Variants in MINPP1 observed in about 807,000 individuals in gnomAD.
MINPP1 encodes multiple inositol-polyphosphate phosphatase 1, also known as multiple inositol polyphosphate phosphatase 1.
MINPP1 carries 28 observed loss-of-function variants against 46.1 expected under a neutral mutation model. That is an observed-to-expected ratio of 0.61 (90% CI 0.45 to 0.83). The LOEUF (loss-of-function observed/expected upper bound fraction) is 0.83, where lower values mean the gene tolerates loss of function less well. Ranked by LOEUF, MINPP1 falls within the 40% of genes least tolerant of loss-of-function variation. MINPP1 has a pLI of 0.00. For missense variants in MINPP1, 603 were observed against 610.0 expected (o/e 0.99, Z 0.12); for synonymous variants, 268 against 249.1 (o/e 1.08, Z -0.72).
chr10:87,550,029 T>C (rs1851940732), intron 4 of MINPP1, among the ~76,000 whole-genome samples: 1 of 152,172 alleles, frequency 6.6e-6, no homozygotes, highest in Non-Finnish European at 1.5e-5. Flanking sequence ...CAATGTGGAA[T>C]GATACATGTG....
At chr10:87,537,307 C>A (rs952103131) in intron 4 of MINPP1, among the ~76,000 whole-genome samples, 4 of 152,158 alleles carry the variant, frequency 2.6e-5, no homozygotes, top group African/African-American at 9.7e-5. Context: ...TGTTCCACAT[C>A]CTGCCAACGC....
Position 87,552,675 on chromosome 10 carries a change from TA to T in MINPP1, c.*199del. On this transcript the variant is annotated 3_prime_UTR_variant, in exon 5 of 5. Coordinates refer to ENST00000371996, the MANE Select transcript of MINPP1 (RefSeq NM_004897.5). ...AGATTTTTCACTGGAGCAGCTCTCT[TA>T]AGGAGAAACAAATCTATTTAGAGAA... 1.7e-6 allele frequency: 1 copy of T among 575,212 alleles called. No individual in the cohort carries two copies. The highest frequency in any genetic ancestry group is 3.0e-6 in the Non-Finnish European group (1 of 329,782). The allele number at this position is 575,212 out of a possible 1,614,324, so 35.6% of individuals were successfully genotyped here.
At chr10:87,507,978 C>T in intron 1 of MINPP1, 22 of 1,375,218 alleles carry the variant, frequency 1.6e-5, no homozygotes, top group Non-Finnish European at 2.1e-5. Flanking sequence ...GTTGAATTCT[C>T]TCTCACCTTG....
intron 4 of MINPP1, among the ~76,000 whole-genome samples, chr10:87,550,089 G>T (rs1851941900): frequency 6.6e-6 from 1 of 152,110 alleles, no homozygotes; most frequent in Non-Finnish European, 1.5e-5. Context: ...CCTTATTCCT[G>T]TTTAGCTGAT....
At chr10:87,515,455 A>G (rs2131808468) in intron 3 of MINPP1, among the ~76,000 whole-genome samples, 1 of 152,336 alleles carries the variant, frequency 6.6e-6, no homozygotes, top group South Asian at 2.1e-4. Flanking sequence ...AAATTTAAAT[A>G]CATGTTTATT....
At chr10:87,510,834 A>G (rs1158111729) in intron 2 of MINPP1, among the ~76,000 whole-genome samples, 1 of 152,246 alleles carries the variant, frequency 6.6e-6, no homozygotes. Context: ...TGCTGGGTTA[A>G]CACACATGAA....
At chr10:87,514,101 G>A (rs369442420) in intron 3 of MINPP1, among the ~76,000 whole-genome samples, 1 of 152,028 alleles carries the variant, frequency 6.6e-6, no homozygotes, top group Non-Finnish European at 1.5e-5. Flanking sequence ...AGATTCATAA[G>A]TTAATCACAC....
intron 4 of MINPP1, among the ~76,000 whole-genome samples, chr10:87,532,485 C>T (rs893844057): frequency 6.6e-6 from 1 of 152,248 alleles, no homozygotes; most frequent in African/African-American, 2.4e-5. Flanking sequence ...GTTTTGGCCA[C>T]CGCCTCTTGT....
intron 4 of MINPP1, among the ~76,000 whole-genome samples, chr10:87,525,267 T>A (rs1210263374): frequency 6.6e-6 from 1 of 152,242 alleles, no homozygotes; most frequent in Non-Finnish European, 1.5e-5. Flanking sequence ...CTATATGCTG[T>A]GCCTTAGCAG....
Position 87,504,914 on chromosome 10 carries a change from C to A in MINPP1, c.-2C>A, listed in dbSNP as rs544545168. On this transcript the variant is annotated 5_prime_UTR_variant, in exon 1 of 5. Coordinates refer to ENST00000371996, the MANE Select transcript of MINPP1 (RefSeq NM_004897.5). ...CGGCGCACTCCACTGACCGTCCCGA[C>A]GATGCTACGCGCGCCCGGCTGCCTC... 1 of 1,610,148 alleles carries A rather than the reference C, an allele frequency of 6.2e-7. No homozygotes were observed. Among genetic ancestry groups the A allele is most frequent in the Non-Finnish European group, 8.5e-7 (1 of 1,179,142 alleles).
chr10:87,506,173 G>T (rs963449121), intron 1 of MINPP1, among the ~76,000 whole-genome samples: 2 of 151,520 alleles, frequency 1.3e-5, no homozygotes, highest in African/African-American at 4.9e-5. Context: ...TGTAGCTGTG[G>T]TCCGTGGTCA....
rs34500466 is a variant in MINPP1, at chr10:87,542,317, C to CT, written c.1068-9754dup. ...TCTTTTTCTTTTTCTCTCTCTCTCT[C>CT]TTTTTTTTTTTAAACAGAGTCTCAC... On this transcript the variant is annotated intron_variant, in intron 4 of 4. Transcript: ENST00000371996. 1.9e-3 allele frequency among the ~76,000 whole-genome samples: 280 copies of CT among 148,676 alleles called. 1 individual carries two copies. The highest frequency in any genetic ancestry group is 3.6e-3 in the African/African-American group (144 of 40,418).
chr10:87,533,012 C>CT (rs1564679199), intron 4 of MINPP1, among the ~76,000 whole-genome samples: 1 of 150,956 alleles, frequency 6.6e-6, no homozygotes, highest in African/African-American at 2.4e-5. Flanking sequence ...ACTTAAAATC[C>CT]TTTTTTTAAA....
chr10:87,552,509 A>C lies in MINPP1; in HGVS notation c.*31A>C. Reference sequence around the variant, plus strand: ...TGAAGAACATTTTTAATTCTTTAGGAATCTGCAATGAGTGATTACATGCTT... The same window carrying C: ...TGAAGAACATTTTTAATTCTTTAGGCATCTGCAATGAGTGATTACATGCTT... On this transcript the variant is annotated 3_prime_UTR_variant, in exon 5 of 5. Coordinates refer to ENST00000371996, the MANE Select transcript of MINPP1 (RefSeq NM_004897.5). The C allele has an allele frequency of 6.2e-7, 1 of 1,602,734 alleles. No individual in the cohort carries two copies. The highest frequency in any genetic ancestry group is 8.5e-7 in the Non-Finnish European group (1 of 1,174,314).
intron 4 of MINPP1, 136 bp from the exon 5 acceptor site, chr10:87,551,946 A>AT (rs1370163668): frequency 1.4e-6 from 1 of 700,702 alleles, no homozygotes; most frequent in Admixed American, 3.0e-5. Flanking sequence ...ATGCTTGTGT[A>AT]ATGTATATAA....
chr10:87,540,428 T>TTC (rs1192943213), intron 4 of MINPP1, among the ~76,000 whole-genome samples: 1 of 151,836 alleles, frequency 6.6e-6, no homozygotes. Context: ...ATGCCTATGT[T>TTC]TCTCTCTCTT....
At chr10:87,527,686 G>A (rs1188020102) in intron 4 of MINPP1, among the ~76,000 whole-genome samples, 1 of 151,904 alleles carries the variant, frequency 6.6e-6, no homozygotes, top group Non-Finnish European at 1.5e-5. Flanking sequence ...TTTTTGTTGT[G>A]TCTCTGCCAG....
chr10:87,549,388 TTTGA>T (rs1851931512), intron 4 of MINPP1, among the ~76,000 whole-genome samples: 1 of 152,228 alleles, frequency 6.6e-6, no homozygotes, highest in Non-Finnish European at 1.5e-5. Context: ...TTGCTATTTA[TTTGA>T]TTAACTTTTG....
intron 4 of MINPP1, among the ~76,000 whole-genome samples, chr10:87,531,529 G>A (rs1379110094): frequency 1.3e-5 from 2 of 152,176 alleles, no homozygotes; most frequent in Non-Finnish European, 2.9e-5. Flanking sequence ...ATATGACATA[G>A]TAGGCAGTTG....
Sources: gnomAD v4.1 joint callset for allele counts (sites outside exome capture counted in the v4.1 genomes callset) on GRCh38, gnomAD v4.1.1 for gene constraint, MANE v1.5 for transcripts, NCBI Gene and HGNC (gene_info 2026-07-23, HGNC 2026-07-21) for gene names.